The following PKIB variants were observed in gnomAD, a reference collection of about 807,000 sequenced individuals.
PKIB encodes the protein cAMP-dependent protein kinase inhibitor beta, also known as PKI-beta.
PKIB carries 2 observed loss-of-function variants against 4.5 expected under a neutral mutation model. The observed-to-expected ratio is 0.44, with a 90% CI of 0.18 to 1.39. The LOEUF (loss-of-function observed/expected upper bound fraction) is 1.39. PKIB is among the 40% of genes most tolerant of loss of function. The pLI is 0.27. For synonymous variants in PKIB, 38 were observed against 36.0 expected, an observed-to-expected ratio of 1.06 and a Z score of -0.20; for missense variants, 94 against 92.6, an observed-to-expected ratio of 1.02 and a Z score of -0.06.
At chr6:122,614,702 A>C (rs1340528852) in intron 1 of PKIB, among the ~76,000 whole-genome samples, 1 of 152,168 alleles carries the variant, frequency 6.6e-6, no homozygotes, top group African/African-American at 2.4e-5. Flanking sequence ...TTATATCTAG[A>C]TTAAATTTTA....
intron 1 of PKIB, among the ~76,000 whole-genome samples, chr6:122,623,875 A>G (rs1268415588): frequency 1.3e-5 from 2 of 152,012 alleles, no homozygotes; most frequent in Non-Finnish European, 2.9e-5. Context: ...TTTCATTGGC[A>G]GGAGCAATCT....
chr6:122,654,115 T>C (rs1442162392), intron 2 of PKIB, among the ~76,000 whole-genome samples: 1 of 152,204 alleles, frequency 6.6e-6, no homozygotes, highest in East Asian at 1.9e-4. Context: ...GCCAACCTGA[T>C]AGTTTCCATT....
chr6:122,607,516 T>A (rs1219970523), upstream of PKIB, among the ~76,000 whole-genome samples: 1 of 151,960 alleles, frequency 6.6e-6, no homozygotes, highest in African/African-American at 2.4e-5. Context: ...AGACTCTGTC[T>A]CAAAAACAAA....
chr6:122,510,685 TG>T (rs1776557963), intron 2 of PKIB, among the ~76,000 whole-genome samples: 2 of 152,120 alleles, frequency 1.3e-5, no homozygotes, highest in African/African-American at 2.4e-5. Context: ...GGAGAGAAAG[TG>T]GGTGAAATAT....
rs149051377 is a variant in PKIB, at chr6:122,509,532, G to A, written c.-248+31593G>A. On this transcript the variant is annotated intron_variant, in intron 2 of 6. Transcript: ENST00000392491. ...TGCAAGCTCTGCCTCCCAGGTTTGCGCCATTCTCCTGCCTTAGCCTCCCGA... is the reference window on the plus strand; with the variant it reads ...TGCAAGCTCTGCCTCCCAGGTTTGCACCATTCTCCTGCCTTAGCCTCCCGA... Among the ~76,000 whole-genome samples, 746 of 151,724 alleles carry A rather than the reference G, an allele frequency of 4.9e-3. 6 individuals carry two copies. The highest frequency in any genetic ancestry group is 0.017 in the African/African-American group (704 of 41,314).
chr6:122,502,221 A>G (rs1450517100), intron 2 of PKIB, among the ~76,000 whole-genome samples: 1 of 151,962 alleles, frequency 6.6e-6, no homozygotes, highest in African/African-American at 2.4e-5. Context: ...CTGTCTTCTG[A>G]GCTCTCCATA....
chr6:122,611,775 C>A (rs1021036084), intron 1 of PKIB, among the ~76,000 whole-genome samples: 1 of 152,146 alleles, frequency 6.6e-6, no homozygotes, highest in Admixed American at 6.5e-5. Flanking sequence ...ATAATGCTCA[C>A]GGAAAATGGG....
intron 3 of PKIB, among the ~76,000 whole-genome samples, chr6:122,695,403 G>A (rs879380632): frequency 2.0e-4 from 29 of 142,558 alleles, no homozygotes; most frequent in Admixed American, 1.7e-3. Flanking sequence ...TGTGTATTAC[G>A]TAATAATAGG....
chr6:122,535,076 C>T (rs1777364340), intron 2 of PKIB, among the ~76,000 whole-genome samples: 1 of 151,948 alleles, frequency 6.6e-6, no homozygotes, highest in Admixed American at 6.6e-5. Context: ...ATACCCTCAG[C>T]CTGTCCTCTC....
At chr6:122,552,224 CA>C (rs1313139799) in intron 2 of PKIB, among the ~76,000 whole-genome samples, 1 of 152,156 alleles carries the variant, frequency 6.6e-6, no homozygotes, top group Non-Finnish European at 1.5e-5. Flanking sequence ...CAGGCTCCTA[CA>C]GTATGAGTAG....
intron 1 of PKIB, among the ~76,000 whole-genome samples, chr6:122,474,135 A>G (rs1475765903): frequency 6.6e-6 from 1 of 152,102 alleles, no homozygotes; most frequent in Non-Finnish European, 1.5e-5. Flanking sequence ...CTCTGTCTCA[A>G]AACAAACAAA....
At chr6:122,653,047 C>A (rs1776625140) in intron 2 of PKIB, among the ~76,000 whole-genome samples, 1 of 152,148 alleles carries the variant, frequency 6.6e-6, no homozygotes, top group Non-Finnish European at 1.5e-5. Flanking sequence ...GTATTGCTGC[C>A]TGTGCAGGGG....
chr6:122,711,845 T>C (rs1779284067), intron 3 of PKIB, among the ~76,000 whole-genome samples: 1 of 152,156 alleles, frequency 6.6e-6, no homozygotes, highest in African/African-American at 2.4e-5. Context: ...TGTCAAAAAT[T>C]CTCTGTGGTA....
At chr6:122,513,525 G>T (rs1439869497) in intron 2 of PKIB, among the ~76,000 whole-genome samples, 2 of 152,172 alleles carry the variant, frequency 1.3e-5, no homozygotes, top group Non-Finnish European at 2.9e-5. Flanking sequence ...CAAGAGTATT[G>T]TGAGTACATT....
intron 2 of PKIB, among the ~76,000 whole-genome samples, chr6:122,496,822 A>G (rs547608164): frequency 9.2e-5 from 14 of 152,318 alleles, no homozygotes; most frequent in African/African-American, 3.1e-4. Flanking sequence ...ATTCAAGAAA[A>G]TTTTCCTAAT....
chr6:122,715,101 A>T (rs182018383), intron 3 of PKIB, among the ~76,000 whole-genome samples: 172 of 151,226 alleles, frequency 1.1e-3, no homozygotes, highest in East Asian at 7.0e-3. Flanking sequence ...AAAAATATTT[A>T]AAAAAAAAGG....
intron 2 of PKIB, among the ~76,000 whole-genome samples, chr6:122,561,587 G>T (rs1417733616): frequency 2.0e-5 from 3 of 150,538 alleles, no homozygotes; most frequent in African/African-American, 4.9e-5. Context: ...TTATAAATTT[G>T]GGAGCTCCAG....
chr6:122,659,651 A>G (rs866652391), intron 2 of PKIB, among the ~76,000 whole-genome samples: 2 of 152,146 alleles, frequency 1.3e-5, no homozygotes, highest in Non-Finnish European at 2.9e-5. Flanking sequence ...TTTATTTTTA[A>G]CTATTATTTT....
chr6:122,587,739 C>T (rs1282625768), intron 3 of PKIB, among the ~76,000 whole-genome samples: 5 of 151,994 alleles, frequency 3.3e-5, no homozygotes, highest in South Asian at 4.2e-4. Context: ...TGAGATGGTA[C>T]CTCATTGTGG....
Sources: allele counts gnomAD v4.1 joint callset (sites outside exome capture counted in the v4.1 genomes callset), GRCh38; gene constraint gnomAD v4.1.1; transcripts MANE v1.5; gene names NCBI Gene and HGNC (gene_info 2026-07-23, HGNC 2026-07-21).